Variants in MSR1 observed in about 807,000 individuals in gnomAD.
The protein encoded by MSR1 is macrophage scavenger receptor 1.
A neutral mutation model predicts 47.2 loss-of-function variants in MSR1; 53 were observed. That is an observed-to-expected ratio of 1.12 (90% confidence interval 0.90 to 1.41). The LOEUF (loss-of-function observed/expected upper bound fraction) is 1.41. MSR1 is among the 40% of genes most tolerant of loss of function. The pLI is 0.00. For synonymous variants in MSR1, 239 were observed against 185.6 expected, an observed-to-expected ratio of 1.29 and a Z score of -2.34; for missense variants, 786 against 546.9, an observed-to-expected ratio of 1.44 and a Z score of -4.36.
chr8:16,154,852 C>T (rs1800956221), intron 6 of MSR1, among the ~76,000 whole-genome samples: 1 of 151,794 alleles, frequency 6.6e-6, no homozygotes. Context: ...TAATGCTTAT[C>T]ATTCAGTGTA....
In MSR1 at chr8:16,150,851, A is replaced by AACACACAC. The variant is rs3036816; in HGVS notation, c.899-548_899-541dup. Among the ~76,000 whole-genome samples, 1,321 of 142,116 alleles carry AACACACAC rather than the reference A, an allele frequency of 9.3e-3. 15 individuals are homozygous for AACACACAC. Among genetic ancestry groups the AACACACAC allele is most frequent in the African/African-American group, 0.023 (856 of 36,970 alleles). The allele number at this position is 142,116 out of a possible 152,430, so 93.2% of individuals were successfully genotyped here. A position where few individuals can be genotyped will look rare whatever the true frequency, so the allele number is the denominator to read the frequency against. On this transcript the variant is annotated intron_variant, in intron 6 of 9. Transcript: ENST00000262101. Reference sequence around the variant, plus strand: ...CCCAGGGTAAATAAACATAAACATAAACACACACACACACACACACACACA... The same window carrying AACACACAC: ...CCCAGGGTAAATAAACATAAACATAAACACACACACACACACACACACACACACACACA...
intron 8 of MSR1, among the ~76,000 whole-genome samples, chr8:16,142,238 G>A (rs568702558): frequency 6.6e-6 from 1 of 152,144 alleles, no homozygotes; most frequent in Admixed American, 6.6e-5. Context: ...TGAGGTGGGA[G>A]AAGAATCATT....
chr8:16,112,175 G>T (rs780098169), intron 9 of MSR1, among the ~76,000 whole-genome samples: 1 of 152,138 alleles, frequency 6.6e-6, no homozygotes, highest in African/African-American at 2.4e-5. Flanking sequence ...GTGGAATTTG[G>T]TATCTCTGTC....
intron 1 of MSR1, chr8:16,186,376 T>G: frequency 1.7e-6 from 1 of 591,624 alleles, no homozygotes; most frequent in Non-Finnish European, 2.9e-6. Context: ...CTGATGACTC[T>G]TAAGTCTTTA....
At chr8:16,115,713 C>T (rs1376570404) in intron 9 of MSR1, among the ~76,000 whole-genome samples, 1 of 152,050 alleles carries the variant, frequency 6.6e-6, no homozygotes, top group Non-Finnish European at 1.5e-5. Context: ...TGCAGTGGTT[C>T]ACACTTGTCA....
chr8:16,146,571 G>C lies in MSR1; in HGVS notation c.980-2960C>G, dbSNP rs11989714. On this transcript the variant is annotated intron_variant, in intron 7 of 9. Transcript: ENST00000262101. ...GAACAATGGCAACATCCCCACAGCAGCAGGTGCAAAGGGCTTTTTGTAGAC... is the reference window on the plus strand; with the variant it reads ...GAACAATGGCAACATCCCCACAGCACCAGGTGCAAAGGGCTTTTTGTAGAC... 1.7e-3 allele frequency among the ~76,000 whole-genome samples: 260 copies of C among 152,150 alleles called. 2 individuals are homozygous for C. The highest frequency in any genetic ancestry group is 5.9e-3 in the African/African-American group (246 of 41,534).
At chr8:16,140,716 C>A in intron 8 of MSR1, 10 of 1,377,156 alleles carry the variant, frequency 7.3e-6, no homozygotes, top group Non-Finnish European at 9.4e-6. Context: ...TTGGAGCAGC[C>A]CTCCAGTCCG....
At position 16,168,714 on chromosome 8, in the gene MSR1, A is replaced by G. The variant is rs1034052298; in HGVS notation, c.374T>C (p.Ile125Thr). 14 of 1,614,014 alleles carry G rather than the reference A, an allele frequency of 8.7e-6. No homozygotes were observed. The highest frequency in any genetic ancestry group is 1.1e-5 in the Non-Finnish European group (13 of 1,180,022). ...GGCTTCCATGTCTAAAATATGCTGG[A>G]TTCTCTTCTCCATGTTGCTCATGTG... The part of the protein sequence containing the change: ...MEHMSNMEKR[I>T]QHILDMEANL... The change falls in exon 4 of 10, where the codon ATC becomes ACC. Residue 125 changes from isoleucine (I) to threonine (T), a missense_variant. Physicochemically the swap from Ile to Thr is moderately conservative, Grantham distance 89. Coordinates refer to ENST00000262101, the MANE Select transcript of MSR1 (RefSeq NM_138715.3).
At chr8:16,130,430 T>A (rs1434501992) in intron 8 of MSR1, among the ~76,000 whole-genome samples, 1 of 152,178 alleles carries the variant, frequency 6.6e-6, no homozygotes, top group East Asian at 1.9e-4. Flanking sequence ...AGATGAGCAC[T>A]GTATTTTATC....
At chr8:16,140,371 G>C (rs1800522329) in intron 8 of MSR1, 2 of 985,370 alleles carry the variant, frequency 2.0e-6, no homozygotes, top group Non-Finnish European at 1.2e-6. Flanking sequence ...TGAAGATTGA[G>C]CTGATTCCTC....
At chr8:16,145,121 C>A (rs1167161136) in intron 7 of MSR1, among the ~76,000 whole-genome samples, 1 of 151,996 alleles carries the variant, frequency 6.6e-6, no homozygotes, top group Admixed American at 6.6e-5. Flanking sequence ...AAATGCCAAC[C>A]ATTTTATATC....
intron 8 of MSR1, among the ~76,000 whole-genome samples, chr8:16,132,329 C>T (rs1313702334): frequency 6.6e-6 from 1 of 152,008 alleles, no homozygotes; most frequent in Non-Finnish European, 1.5e-5. Flanking sequence ...GATTTTTGTA[C>T]ACTGATTTTG....
intron 3 of MSR1, 51 bp from the exon 4 acceptor site, chr8:16,168,921 T>C: frequency 1.3e-6 from 2 of 1,531,216 alleles, no homozygotes; most frequent in Non-Finnish European, 1.8e-6. Flanking sequence ...CTTGAATGCA[T>C]ACAGGATCCC....
At chr8:16,132,659 G>C (rs1800289413) in intron 8 of MSR1, among the ~76,000 whole-genome samples, 1 of 151,840 alleles carries the variant, frequency 6.6e-6, no homozygotes, top group South Asian at 2.1e-4. Flanking sequence ...GCTGATTTTT[G>C]TATTTTTAGT....
intron 5 of MSR1, among the ~76,000 whole-genome samples, chr8:16,160,847 A>T (rs1801140331): frequency 6.6e-6 from 1 of 151,900 alleles, no homozygotes; most frequent in East Asian, 1.9e-4. Context: ...GAAGGATGAC[A>T]GAGGGAAGAT....
intron 8 of MSR1, among the ~76,000 whole-genome samples, chr8:16,124,309 C>T (rs1800079077): frequency 6.6e-6 from 1 of 152,102 alleles, no homozygotes; most frequent in African/African-American, 2.4e-5. Flanking sequence ...AATCTTGGTG[C>T]ATTTATGCAA....
chr8:16,190,814 T>C (rs996957094), intron 1 of MSR1, among the ~76,000 whole-genome samples: 3 of 150,970 alleles, frequency 2.0e-5, no homozygotes, highest in African/African-American at 4.9e-5. Flanking sequence ...CTCCGCCTCC[T>C]GGGTTCATGT....
intron 3 of MSR1, among the ~76,000 whole-genome samples, chr8:16,170,723 T>A (rs1341895538): frequency 2.0e-5 from 3 of 152,168 alleles, no homozygotes; most frequent in South Asian, 2.1e-4. Context: ...TTTTGTTCAA[T>A]AACTAACAGC....
intron 3 of MSR1, among the ~76,000 whole-genome samples, chr8:16,173,775 A>C (rs1236412130): frequency 2.0e-5 from 3 of 151,780 alleles, no homozygotes; most frequent in Non-Finnish European, 2.9e-5. Context: ...CAGCCTCCCG[A>C]GTAGCTGGGA....
Sources: gnomAD v4.1 joint callset for allele counts (sites outside exome capture counted in the v4.1 genomes callset) on GRCh38, gnomAD v4.1.1 for gene constraint, MANE v1.5 for transcripts, NCBI Gene and HGNC (gene_info 2026-07-23, HGNC 2026-07-21) for gene names.